The following CDH8 variants were observed in gnomAD, a reference collection of about 807,000 sequenced individuals.
CDH8 encodes cadherin-8.
Under a neutral mutation model 68.1 loss-of-function variants are expected in CDH8, and 17 were observed. The ratio of observed to expected loss-of-function variants is 0.25; its 90% CI spans 0.17 to 0.37. The LOEUF (loss-of-function observed/expected upper bound fraction) is 0.37. Ranked by LOEUF, CDH8 falls within the 10% of genes least tolerant of loss-of-function variation. The pLI, the probability that CDH8 is intolerant of heterozygous loss-of-function variation, is 1.00. For synonymous variants in CDH8, 372 were observed against 365.1 expected, an observed-to-expected ratio of 1.02 and a Z score of -0.21; for missense variants, 763 against 999.3, an observed-to-expected ratio of 0.76 and a Z score of 3.19.
chr16:61,950,022 C>A (rs942343499), intron 2 of CDH8, among the ~76,000 whole-genome samples: 10 of 151,908 alleles, frequency 6.6e-5, no homozygotes, highest in African/African-American at 2.2e-4. Flanking sequence ...TCATGAACCA[C>A]TGCATCACAC....
intron 2 of CDH8, among the ~76,000 whole-genome samples, chr16:61,979,143 A>C (rs1007109281): frequency 5.3e-5 from 8 of 152,144 alleles, no homozygotes; most frequent in Non-Finnish European, 1.2e-4. Context: ...TCTCTTCTGT[A>C]AGGTAGGCAC....
chr16:61,858,072 CACACACACACACACACAT>C (rs1478818877), intron 3 of CDH8, among the ~76,000 whole-genome samples: 1 of 151,772 alleles, frequency 6.6e-6, no homozygotes, highest in Non-Finnish European at 1.5e-5. Flanking sequence ...TAATCAAACA[CACACACACACACACACAT>C]ACACACACAC....
chr16:61,785,339 A>G (rs1316611774), intron 8 of CDH8, among the ~76,000 whole-genome samples: 1 of 102,832 alleles, frequency 9.7e-6, no homozygotes, highest in Non-Finnish European at 1.9e-5. Context: ...AAAATCTAGA[A>G]GAAATGGATA....
chr16:61,792,071 GA>G (rs1961391045), intron 7 of CDH8, among the ~76,000 whole-genome samples: 1 of 151,882 alleles, frequency 6.6e-6, no homozygotes, highest in South Asian at 2.1e-4. Flanking sequence ...TCCCTATTTA[GA>G]AAGTAGTGAA....
chr16:61,967,647 T>A (rs1005202507), intron 2 of CDH8, among the ~76,000 whole-genome samples: 5 of 151,970 alleles, frequency 3.3e-5, no homozygotes, highest in Non-Finnish European at 5.9e-5. Context: ...TGAAACAGAG[T>A]TGTGACTGTG....
At chr16:61,828,524 C>A (rs931103419) in intron 4 of CDH8, among the ~76,000 whole-genome samples, 6 of 151,836 alleles carry the variant, frequency 4.0e-5, no homozygotes. Flanking sequence ...TCATGACATT[C>A]ATTTTTCTTA....
intron 2 of CDH8, among the ~76,000 whole-genome samples, chr16:61,952,915 C>A (rs1415526634): frequency 1.3e-5 from 2 of 152,148 alleles, no homozygotes; most frequent in Non-Finnish European, 2.9e-5. Context: ...GGAGGATCTT[C>A]ATTTGCATCC....
In CDH8 at chr16:61,727,195, G is replaced by A. The variant is rs1176454679; in HGVS notation, c.1435C>T (p.Arg479Ter). 6 of 1,608,472 alleles carry A rather than the reference G, an allele frequency of 3.7e-6. No homozygotes were observed. Among genetic ancestry groups the A allele is most frequent in the African/African-American group, 1.3e-5 (1 of 74,542 alleles). ...AGCACTTTAATAGCAACAGGTACTC[G>A]TGATATCTGACTGTGGTTCCCTATG... ...TEIRNHSQIS[R>*]VPVAIKVLDV... The change falls in exon 9 of 12, where the codon CGA (arginine) becomes TGA (stop). Residue 479 changes from arginine to a stop codon, truncating the protein, a stop_gained. Transcript: ENST00000577390. LOFTEE classifies it high-confidence loss of function.
chr16:61,985,114 GT>G lies in CDH8; in HGVS notation c.252+36037del, dbSNP rs1177284615. 7.3e-3 allele frequency among the ~76,000 whole-genome samples: 1,042 copies of G among 143,406 alleles called. 26 individuals carry two copies. Among genetic ancestry groups the G allele is most frequent in the East Asian group, 0.059 (289 of 4,934 alleles). The allele number at this position is 143,406 out of a possible 152,430, so 94.1% of individuals were successfully genotyped here. A position where few individuals can be genotyped will look rare whatever the true frequency, so the allele number is the denominator to read the frequency against. On this transcript the variant is annotated intron_variant, in intron 2 of 11. Transcript: ENST00000577390. ...AACTTTTTTTTCCTCAAGAATGTCG[GT>G]TTTTTTTTTTCAAATGTAAAGACTC...
intron 2 of CDH8, among the ~76,000 whole-genome samples, chr16:61,908,205 C>T (rs1232723575): frequency 6.6e-6 from 1 of 152,138 alleles, no homozygotes; most frequent in Non-Finnish European, 1.5e-5. Context: ...CAAATCATGC[C>T]TGTCAGGCAG....
intron 4 of CDH8, among the ~76,000 whole-genome samples, chr16:61,827,991 A>G (rs1962378180): frequency 6.6e-6 from 1 of 151,898 alleles, no homozygotes; most frequent in African/African-American, 2.4e-5. Flanking sequence ...AGGTAAAATA[A>G]GGCTGAGACC....
At chr16:61,832,472 T>C (rs1962482079) in intron 4 of CDH8, among the ~76,000 whole-genome samples, 1 of 151,740 alleles carries the variant, frequency 6.6e-6, no homozygotes. Context: ...TCTCCTCTTA[T>C]ACATTTCTGG....
At chr16:62,015,819 CAAG>C (rs1901925473) in intron 2 of CDH8, among the ~76,000 whole-genome samples, 1 of 152,100 alleles carries the variant, frequency 6.6e-6, no homozygotes, top group African/African-American at 2.4e-5. Context: ...TGTGAGAATA[CAAG>C]AAGATTGCAG....
At chr16:61,857,304 T>C (rs1237970765) in intron 3 of CDH8, 66 bp from the exon 4 acceptor site, 4 of 1,408,566 alleles carry the variant, frequency 2.8e-6, no homozygotes, top group African/African-American at 2.9e-5. Context: ...AGCTACATTT[T>C]GTCAAGTATT....
At chr16:61,952,092 ACTAATTGT>A (rs1193467067) in intron 2 of CDH8, among the ~76,000 whole-genome samples, 1 of 152,158 alleles carries the variant, frequency 6.6e-6, no homozygotes, top group Non-Finnish European at 1.5e-5. Flanking sequence ...GCTGATGTTG[ACTAATTGT>A]CTGTTAAAAC....
chr16:61,762,679 G>T (rs1279350852), intron 8 of CDH8, among the ~76,000 whole-genome samples: 1 of 152,160 alleles, frequency 6.6e-6, no homozygotes, highest in Non-Finnish European at 1.5e-5. Flanking sequence ...AGGTGAGCGT[G>T]CTACATGCTA....
intron 7 of CDH8, among the ~76,000 whole-genome samples, chr16:61,791,009 A>G (rs895180264): frequency 6.6e-6 from 1 of 151,946 alleles, no homozygotes; most frequent in African/African-American, 2.4e-5. Flanking sequence ...CCCACCAAAG[A>G]TAAGCATAAT....
At chr16:61,904,319 T>G (rs981865356) in intron 2 of CDH8, among the ~76,000 whole-genome samples, 2 of 152,202 alleles carry the variant, frequency 1.3e-5, no homozygotes, top group African/African-American at 4.8e-5. Flanking sequence ...TCATATCATA[T>G]TCACTTAAAT....
chr16:61,847,807 A>G (rs973165979), intron 4 of CDH8, among the ~76,000 whole-genome samples: 3 of 151,722 alleles, frequency 2.0e-5, no homozygotes, highest in Non-Finnish European at 4.4e-5. Flanking sequence ...GGGAACTACA[A>G]CAATAAACAT....
Sources: gnomAD v4.1 joint callset for allele counts (sites outside exome capture counted in the v4.1 genomes callset) on GRCh38, gnomAD v4.1.1 for gene constraint, MANE v1.5 for transcripts, NCBI Gene and HGNC (gene_info 2026-07-23, HGNC 2026-07-21) for gene names.